TMEM131: variants seen among roughly 807,000 people sequenced by gnomAD.
TMEM131 encodes 2610524E03Rik.
Under a neutral mutation model 211.6 loss-of-function variants are expected in TMEM131, and 66 were observed. The observed-to-expected ratio is 0.31, with a 90% confidence interval of 0.26 to 0.38. The LOEUF is 0.38. Ranked by LOEUF, TMEM131 falls within the 10% of genes least tolerant of loss-of-function variation. TMEM131 has a pLI of 1.00. For missense variants in TMEM131, 2,036 were observed against 2,299.3 expected, an observed-to-expected ratio of 0.89 and a Z score of 2.34; for synonymous variants, 844 against 841.3, an observed-to-expected ratio of 1.00 and a Z score of -0.06.
chr2:97,777,238 G>A (rs1432311744), intron 31 of TMEM131, among the ~76,000 whole-genome samples: 1 of 152,190 alleles, frequency 6.6e-6, no homozygotes, highest in Non-Finnish European at 1.5e-5. Flanking sequence ...AGACACACAA[G>A]CCACATTTTA....
intron 18 of TMEM131, 82 bp downstream of exon 18, chr2:97,811,046 A>C: frequency 1.0e-6 from 1 of 995,978 alleles, no homozygotes; most frequent in East Asian, 2.4e-5. Context: ...GAGTAAACTT[A>C]ATTCTTTGGT....
chr2:97,981,082 TA>T (rs1385594440), intron 1 of TMEM131, among the ~76,000 whole-genome samples: 1 of 130,828 alleles, frequency 7.6e-6, no homozygotes, highest in East Asian at 2.3e-4. Flanking sequence ...AAAAATCTGT[TA>T]AGGTAGCTAT....
intron 3 of TMEM131, among the ~76,000 whole-genome samples, chr2:97,904,838 T>C (rs969578012): frequency 4.6e-5 from 7 of 152,018 alleles, no homozygotes; most frequent in African/African-American, 1.4e-4. Flanking sequence ...GTGGGGCTTA[T>C]TTCATATTAC....
chr2:97,816,838 TA>T (rs1402143171), intron 12 of TMEM131, among the ~76,000 whole-genome samples: 2 of 152,190 alleles, frequency 1.3e-5, no homozygotes, highest in African/African-American at 4.8e-5. Context: ...AGATGCTTGA[TA>T]AATGAACACT....
intron 1 of TMEM131, among the ~76,000 whole-genome samples, chr2:97,969,479 T>G (rs569110101): frequency 1.3e-5 from 2 of 152,334 alleles, no homozygotes; most frequent in South Asian, 4.1e-4. Flanking sequence ...GCCTGTATTA[T>G]TTATGTTTTC....
At chr2:97,873,473 G>T (rs1674573107) in intron 4 of TMEM131, among the ~76,000 whole-genome samples, 1 of 152,242 alleles carries the variant, frequency 6.6e-6, no homozygotes, top group Non-Finnish European at 1.5e-5. Context: ...CCCAGTAGGG[G>T]CCAACAGACA....
At chr2:97,888,293 T>G (rs1177574569) in intron 3 of TMEM131, among the ~76,000 whole-genome samples, 173 bp from the exon 4 acceptor site, 1 of 152,190 alleles carries the variant, frequency 6.6e-6, no homozygotes, top group Non-Finnish European at 1.5e-5. Flanking sequence ...CAATAAAGAT[T>G]GCGTTTTAGA....
At chr2:97,966,624 T>C (rs913052525) in intron 1 of TMEM131, among the ~76,000 whole-genome samples, 2 of 152,072 alleles carry the variant, frequency 1.3e-5, no homozygotes, top group South Asian at 2.1e-4. Context: ...GAAAATAGCT[T>C]CAAGTTGGCT....
At chr2:97,922,810 T>A (rs1307940436) in intron 2 of TMEM131, among the ~76,000 whole-genome samples, 1 of 152,202 alleles carries the variant, frequency 6.6e-6, no homozygotes, top group Admixed American at 6.5e-5. Context: ...TTTTAGTTTT[T>A]AATCTGGGTG....
chr2:97,834,648 A>G lies in TMEM131; in HGVS notation c.985T>C (p.Leu329=). The G allele has an allele frequency of 6.4e-7, 1 of 1,571,154 alleles. No individual in the cohort carries two copies. Among genetic ancestry groups the G allele is most frequent in the Middle Eastern group, 1.7e-4 (1 of 5,792 alleles). Residue 329 remains leucine, a synonymous_variant, in exon 10 of 41, where the codon TTA becomes CTA. Coordinates refer to ENST00000186436, the MANE Select transcript of TMEM131 (RefSeq NM_015348.2). ...APGIYSSTEM[L]DFGTLRTQDL... is the part of the protein sequence containing the mutation. ...TGTGTTCTTAGTGTACCAAAATCTA[A>G]CATTTCAGTTGAGGAATAAATTCCA...
chr2:97,951,446 G>A (rs993168878), intron 1 of TMEM131, among the ~76,000 whole-genome samples: 17 of 152,066 alleles, frequency 1.1e-4, no homozygotes, highest in African/African-American at 3.6e-4. Context: ...AGCATTTCCC[G>A]TGGCTTGTTC....
intron 2 of TMEM131, among the ~76,000 whole-genome samples, chr2:97,913,434 C>G (rs1676373979): frequency 6.6e-6 from 1 of 152,120 alleles, no homozygotes; most frequent in South Asian, 2.1e-4. Flanking sequence ...ATACAGAATT[C>G]ATTTTACAGA....
At position 97,792,857 on chromosome 2, in the gene TMEM131, T is replaced by C; in HGVS notation, c.3673A>G (p.Ser1225Gly). Residue 1225 changes from serine (S) to glycine (G), a missense_variant, in exon 31 of 41, where the codon AGC (serine) becomes GGC (glycine). Physicochemically the swap from Ser to Gly is moderately conservative, Grantham distance 56. Around this residue, in one of 3 missense-constraint regions of TMEM131, gnomAD observed 1,623 missense variants for 1,805.9 expected, o/e 0.90. Coordinates refer to ENST00000186436, the MANE Select transcript of TMEM131 (RefSeq NM_015348.2). ...GPSVHPHSSH[S>G]NRNSADVENV... ...TCCACGTCAGCTGAGTTTCTATTGCTGTGACTGCTGTGTGGGTGGACCGAT... is the reference window on the plus strand; with the variant it reads ...TCCACGTCAGCTGAGTTTCTATTGCCGTGACTGCTGTGTGGGTGGACCGAT... 2 of 1,613,888 alleles carry C rather than the reference T, an allele frequency of 1.2e-6. No homozygotes were observed. The highest frequency in any genetic ancestry group is 4.5e-5 in the East Asian group (2 of 44,874).
intron 5 of TMEM131, among the ~76,000 whole-genome samples, chr2:97,845,642 C>T (rs1470153472): frequency 6.6e-6 from 1 of 151,058 alleles, no homozygotes; most frequent in Non-Finnish European, 1.5e-5. Context: ...AAATGTTTCA[C>T]ATCAATAATC....
At chr2:97,768,834 G>A (rs757292113) in intron 33 of TMEM131, among the ~76,000 whole-genome samples, 1 of 152,174 alleles carries the variant, frequency 6.6e-6, no homozygotes, top group Non-Finnish European at 1.5e-5. Context: ...CCGGTGATCT[G>A]CCGTCCTTGG....
intron 1 of TMEM131, among the ~76,000 whole-genome samples, chr2:97,969,975 C>T (rs1438667277): frequency 6.6e-6 from 1 of 152,090 alleles, no homozygotes; most frequent in African/African-American, 2.4e-5. Flanking sequence ...GAACCAAGAC[C>T]CTGGCAACAT....
rs537451130 is a variant in TMEM131 at position 97,938,306 on chromosome 2, T to C, written c.188-10819A>G. 1.1e-4 allele frequency among the ~76,000 whole-genome samples: 17 copies of C among 152,138 alleles called. No homozygotes were observed. In the South Asian group the frequency reaches 2.5e-3, roughly 22 times the overall value. ...CCCATCTCACCTGCAGAGACACACA[T>C]AGGCTCAAAATAAAGGGGTGGAGGA... On this transcript the variant is annotated intron_variant, in intron 1 of 40. Coordinates refer to ENST00000186436, the MANE Select transcript of TMEM131 (RefSeq NM_015348.2).
chr2:97,775,852 G>T lies in TMEM131; in HGVS notation c.4311C>A (p.Leu1437=). Residue 1437 remains leucine (L), a synonymous_variant, in exon 32 of 41, where the codon CTC becomes CTA. Transcript: ENST00000186436. ...TETSNPDTEP[L]LKEDTEKQKG... is the part of the protein sequence containing the mutation. ...TGAGATCAGCCCGTACCTCCTTGAG[G>T]AGCGGTTCTGTGTCAGGGTTGGAGG... 3 of 1,613,066 alleles carry T rather than the reference G, an allele frequency of 1.9e-6. No homozygotes were observed. Among genetic ancestry groups the T allele is most frequent in the Non-Finnish European group, 2.5e-6 (3 of 1,179,586 alleles).
At chr2:97,981,166 A>T (rs1657530966) in intron 1 of TMEM131, among the ~76,000 whole-genome samples, 1 of 151,024 alleles carries the variant, frequency 6.6e-6, no homozygotes, top group Non-Finnish European at 1.5e-5. Context: ...TAAAAAGCAT[A>T]TTCTAGAGGT....
Sources: allele counts gnomAD v4.1 joint callset (sites outside exome capture counted in the v4.1 genomes callset), GRCh38; gene constraint gnomAD v4.1.1; regional missense constraint gnomAD v4.1.1; transcripts MANE v1.5; gene names NCBI Gene and HGNC (gene_info 2026-07-23, HGNC 2026-07-21).